The following LIG3 variants were observed in gnomAD, a reference collection of about 807,000 sequenced individuals.
LIG3 encodes the protein ligase II, DNA, ATP-dependent.
A neutral mutation model predicts 110.9 loss-of-function variants in LIG3; 58 were observed. That is an observed-to-expected ratio of 0.52 (90% CI 0.42 to 0.65). LIG3 has a LOEUF of 0.65. Among genes scored for constraint, LIG3 ranks in the 30% least tolerant of loss-of-function variants. The pLI is 0.00. For synonymous variants in LIG3, 422 were observed against 472.8 expected (o/e 0.89, Z 1.39); for missense variants, 1,094 against 1,273.8 (o/e 0.86, Z 2.15).
intron 19 of LIG3, chr17:35,003,241 G>C (rs926882716): frequency 7.8e-7 from 1 of 1,278,242 alleles, no homozygotes. Context: ...CCTCCCACCT[G>C]AGGAGCCTTT....
intron 3 of LIG3, among the ~76,000 whole-genome samples, chr17:34,989,088 C>T (rs1167323602): frequency 6.6e-6 from 1 of 152,012 alleles, no homozygotes; most frequent in African/African-American, 2.4e-5. Context: ...GCAGTCCTCC[C>T]GCGTTGGCCT....
chr17:35,002,184 A>C (rs1373652587), intron 18 of LIG3, 80 bp downstream of exon 18: 2 of 1,219,162 alleles, frequency 1.6e-6, no homozygotes, highest in African/African-American at 1.5e-5. Flanking sequence ...CCAGTCTCAC[A>C]TTCCAGCCCT....
chr17:35,004,206 A>C, intron 19 of LIG3, 67 bp from the exon 20 acceptor site: 1 of 1,202,326 alleles, frequency 8.3e-7, no homozygotes. Context: ...TCCCGTGCTC[A>C]TTTGGGTGAA....
At chr17:35,010,475 T>A (rs936418203), downstream of LIG3, 1 of 152,158 alleles carries the variant, frequency 6.6e-6, no homozygotes, top group Non-Finnish European at 1.5e-5. Context: ...TTTCTCCTGC[T>A]GGGTGTGGTG....
At position 34,983,210 on chromosome 17, in the gene LIG3, A is replaced by T; in HGVS notation, c.205A>T (p.Thr69Ser). The change falls in exon 2 of 20, where the codon ACC (threonine) becomes TCC (serine). Residue 69 changes from threonine (T) to serine (S), a missense_variant. By Grantham distance (58) the Thr-to-Ser change is moderately conservative. Transcript: ENST00000378526. ...FQGSHLRSRA[T>S]YLVFLPGLHV... The stretch of plus-strand genomic sequence containing the variant: ...GGGAAGCCATCTAAGATCACGTGCC[A>T]CCTACCTTGTTTTCTTGCCAGGGTT... The T allele has an allele frequency of 1.2e-6, 2 of 1,614,206 alleles. No homozygotes were observed. Among genetic ancestry groups the T allele is most frequent in the Non-Finnish European group, 1.7e-6 (2 of 1,180,026 alleles).
intron 18 of LIG3, 141 bp from the exon 19 acceptor site, chr17:35,002,527 C>T (rs1037463688): frequency 2.0e-5 from 16 of 812,800 alleles, no homozygotes; most frequent in Admixed American, 8.5e-5. Context: ...GAGACAGGGT[C>T]TCACTCTGTC....
At chr17:35,004,231 C>T in intron 19 of LIG3, 42 bp from the exon 20 acceptor site, 1 of 1,476,984 alleles carries the variant, frequency 6.8e-7, no homozygotes, top group Non-Finnish European at 9.4e-7. Flanking sequence ...CATCTGTACC[C>T]AGTGTAGGTC....
rs896790842 is a variant in LIG3 at position 34,998,739 on chromosome 17, C to G, written c.2113+12C>G. 2.5e-6 allele frequency: 4 copies of G among 1,612,436 alleles called. No homozygotes were observed. Among genetic ancestry groups the G allele is most frequent in the Non-Finnish European group, 3.4e-6 (4 of 1,179,250 alleles). ...GCAAGGGAGCAAAGGTCAGGGTGGC[C>G]TCTGCCCCCTGGGGTGGTACTGTTT... On this transcript the variant is annotated intron_variant, in intron 14 of 19. Transcript: ENST00000378526.
Position 34,992,051 on chromosome 17 carries a change from G to T in LIG3, c.1286+16G>T, listed in dbSNP as rs531309201. The stretch of plus-strand genomic sequence containing the variant: ...CAAAACATGTGTAAGTAGCAGCTCC[G>T]CTGACAGCCTGAGCTGTCATTTGTT... On this transcript the variant is annotated intron_variant, in intron 7 of 19. Transcript: ENST00000378526. The T allele has an allele frequency of 1.9e-6, 3 of 1,608,050 alleles. No individual in the cohort carries two copies. The highest frequency in any genetic ancestry group is 2.6e-6 in the Non-Finnish European group (3 of 1,174,494).
chr17:35,002,653 C>G lies in LIG3; in HGVS notation c.2675-15C>G. 1.2e-6 allele frequency: 2 copies of G among 1,610,382 alleles called. No homozygotes were observed. Among genetic ancestry groups the G allele is most frequent in the Non-Finnish European group, 1.7e-6 (2 of 1,178,628 alleles). Reference sequence around the variant, plus strand: ...GGTGTGCACCACCACACCCAGCTTCCTCTCTGTCCTGCAGGCAACATGCAG... The same window carrying G: ...GGTGTGCACCACCACACCCAGCTTCGTCTCTGTCCTGCAGGCAACATGCAG... On this transcript the variant is annotated splice_polypyrimidine_tract_variant and intron_variant, in intron 18 of 19. Coordinates refer to ENST00000378526, the MANE Select transcript of LIG3 (RefSeq NM_013975.4).
chr17:34,980,991 G>A (rs2090583034), intron 1 of LIG3: 2 of 152,268 alleles, frequency 1.3e-5, no homozygotes, highest in African/African-American at 4.8e-5. Flanking sequence ...TCCCGGACCC[G>A]GTGGAGGAGC....
At chr17:35,001,066 G>A (rs1474121531) in intron 16 of LIG3, among the ~76,000 whole-genome samples, 191 bp from the exon 17 acceptor site, 1 of 151,202 alleles carries the variant, frequency 6.6e-6, no homozygotes, top group Non-Finnish European at 1.5e-5. Context: ...CACCGTGCCT[G>A]GCTAATTTTT....
intron 4 of LIG3, among the ~76,000 whole-genome samples, chr17:34,990,188 T>G (rs965783394): frequency 2.6e-5 from 4 of 152,218 alleles, no homozygotes; most frequent in Non-Finnish European, 4.4e-5. Context: ...AACTCCATGC[T>G]GTCTCCTACT....
At chr17:34,986,694 A>G (rs2090659217) in intron 3 of LIG3, among the ~76,000 whole-genome samples, 1 of 152,160 alleles carries the variant, frequency 6.6e-6, no homozygotes, top group African/African-American at 2.4e-5. Flanking sequence ...TTTTGTCAAG[A>G]CTTTTTCCCC....
chr17:35,001,489 C>A, intron 17 of LIG3, 86 bp downstream of exon 17: 1 of 1,338,884 alleles, frequency 7.5e-7, no homozygotes, highest in Non-Finnish European at 1.0e-6. Context: ...CACATGTCCT[C>A]TGTCTTCTCC....
chr17:34,996,909 C>A, intron 11 of LIG3: 1 of 455,002 alleles, frequency 2.2e-6, no homozygotes, highest in African/African-American at 1.9e-5. Flanking sequence ...GAGCTTAAGT[C>A]ACAGAAGAAA....
intron 3 of LIG3, among the ~76,000 whole-genome samples, chr17:34,986,749 T>A (rs748389122): frequency 3.9e-5 from 6 of 152,254 alleles, no homozygotes; most frequent in Non-Finnish European, 4.4e-5. Flanking sequence ...AGAACCTGTC[T>A]TTTACTTCCT....
intron 2 of LIG3, 119 bp from the exon 3 acceptor site, chr17:34,985,869 C>A: frequency 2.0e-6 from 2 of 983,426 alleles, no homozygotes; most frequent in Non-Finnish European, 1.5e-6. Flanking sequence ...CAGCCTTGGG[C>A]TAGTGCTAGG....
chr17:34,989,113 G>A (rs1376181830), intron 3 of LIG3, among the ~76,000 whole-genome samples: 1 of 151,982 alleles, frequency 6.6e-6, no homozygotes, highest in East Asian at 1.9e-4. Context: ...TAGTGTTAGG[G>A]TTACAGGCGT....
Sources: gnomAD v4.1 joint callset for allele counts (sites outside exome capture counted in the v4.1 genomes callset) on GRCh38, gnomAD v4.1.1 for gene constraint, MANE v1.5 for transcripts, NCBI Gene and HGNC (gene_info 2026-07-23, HGNC 2026-07-21) for gene names.